The following FRYL variants were observed in gnomAD, a reference collection of about 807,000 sequenced individuals.
The protein encoded by FRYL is FRY like transcription coactivator.
A neutral mutation model predicts 351.2 loss-of-function variants in FRYL; 150 were observed. The observed-to-expected ratio is 0.43, with a 90% CI of 0.37 to 0.49. The LOEUF is 0.49. Among genes scored for constraint, FRYL ranks in the 20% least tolerant of loss-of-function variants. FRYL has a pLI of 0.00. For synonymous variants in FRYL, 1,153 were observed against 1,257.1 expected, an observed-to-expected ratio of 0.92 and a Z score of 1.75; for missense variants, 3,036 against 3,619.3, an observed-to-expected ratio of 0.84 and a Z score of 4.13.
chr4:48,719,778 AGG>A (rs1352283535), intron 1 of FRYL, among the ~76,000 whole-genome samples: 1 of 151,634 alleles, frequency 6.6e-6, no homozygotes, highest in Non-Finnish European at 1.5e-5. Context: ...TGATTTTGTC[AGG>A]AACAACTTGA....
At chr4:48,570,939 C>A (rs1250258376) in intron 26 of FRYL, 21 bp from the exon 27 acceptor site, 1 of 1,571,760 alleles carries the variant, frequency 6.4e-7, no homozygotes, top group East Asian at 2.2e-5. Flanking sequence ...GATACAAACA[C>A]ATTAATTAAA....
At chr4:48,623,096 G>GAA in intron 5 of FRYL, 30 bp downstream of exon 5, 2 of 1,458,534 alleles carry the variant, frequency 1.4e-6, no homozygotes, top group African/African-American at 1.5e-5. Flanking sequence ...ATTTCCAGGG[G>GAA]AAAAAAAAAT....
At chr4:48,683,831 C>G (rs776213453) in intron 3 of FRYL, among the ~76,000 whole-genome samples, 3 of 152,176 alleles carry the variant, frequency 2.0e-5, no homozygotes, top group Non-Finnish European at 2.9e-5. Flanking sequence ...AAACTGCATG[C>G]CTTAATATGC....
intron 60 of FRYL, among the ~76,000 whole-genome samples, 163 bp from the exon 61 acceptor site, chr4:48,503,008 A>G (rs1439916588): frequency 6.6e-6 from 1 of 152,204 alleles, no homozygotes; most frequent in African/African-American, 2.4e-5. Flanking sequence ...CCAGAATAAA[A>G]CTTTTTAGAC....
At position 48,540,924 on chromosome 4, in the gene FRYL, A is replaced by G; in HGVS notation, c.5724T>C (p.Tyr1908=). The G allele has an allele frequency of 6.2e-7, 1 of 1,607,522 alleles. No individual in the cohort carries two copies. Among genetic ancestry groups the G allele is most frequent in the Non-Finnish European group, 8.5e-7 (1 of 1,175,164 alleles). The stretch of plus-strand genomic sequence containing the variant: ...GTCCAGTGCTTTTCCTGTTAGCTGC[A>G]TACTTGTTTCCCATTATAGGATCAT... ...SYHDPIMGNK[Y]AANRKSTGQL... Residue 1908 remains tyrosine, a synonymous_variant, in exon 46 of 64, where the codon TAT becomes TAC. Transcript: ENST00000358350.
At chr4:48,703,231 AGAC>A (rs1766959134) in intron 2 of FRYL, among the ~76,000 whole-genome samples, 1 of 152,216 alleles carries the variant, frequency 6.6e-6, no homozygotes, top group African/African-American at 2.4e-5. Context: ...ATAGGGACTA[AGAC>A]AGTATGGGAC....
chr4:48,539,960 CAT>C lies in FRYL; in HGVS notation c.6393+9_6393+10del. 1 of 1,589,860 alleles carries C rather than the reference CAT, an allele frequency of 6.3e-7. No homozygotes were observed. The highest frequency in any genetic ancestry group is 2.2e-5 in the East Asian group (1 of 44,694). On this transcript the variant is annotated intron_variant, in intron 47 of 63. Coordinates refer to ENST00000358350, the MANE Select transcript of FRYL (RefSeq NM_015030.2). ...CCTATAGTGTTACCTTTCAGCATAA[CAT>C]TTGCTTACCTTTGCTATTCGACTAG... is the stretch of plus-strand genomic sequence containing the variant.
intron 3 of FRYL, among the ~76,000 whole-genome samples, chr4:48,649,238 C>G (rs1298513308): frequency 2.0e-5 from 3 of 151,542 alleles, no homozygotes; most frequent in Admixed American, 2.0e-4. Context: ...ACTATTTTTA[C>G]AATCCAAAAA....
chr4:48,552,244 GGTGTGTGT>G (rs67155390), intron 36 of FRYL, among the ~76,000 whole-genome samples: 21,664 of 145,262 alleles, frequency 0.15, 1,845 homozygotes, highest in Middle Eastern at 0.24. Flanking sequence ...AGTCCAAAGG[GGTGTGTGT>G]GTGTGTGTGT....
chr4:48,728,438 A>G (rs1770328736), intron 1 of FRYL, among the ~76,000 whole-genome samples: 2 of 152,166 alleles, frequency 1.3e-5, no homozygotes, highest in Non-Finnish European at 2.9e-5. Context: ...CCAGAAGGAA[A>G]GGAGAGGAAC....
chr4:48,602,374 A>G (rs1399559300), intron 12 of FRYL, among the ~76,000 whole-genome samples: 1 of 152,128 alleles, frequency 6.6e-6, no homozygotes, highest in Non-Finnish European at 1.5e-5. Context: ...CCCTCAACCC[A>G]TTAGCCTCTC....
intron 22 of FRYL, 124 bp from the exon 23 acceptor site, chr4:48,579,365 T>C (rs1486012650): frequency 3.9e-6 from 3 of 765,704 alleles, no homozygotes; most frequent in African/African-American, 3.6e-5. Flanking sequence ...ATAAAGTCCA[T>C]GGTAGGTTGA....
chr4:48,619,731 G>A (rs948176846), intron 6 of FRYL, among the ~76,000 whole-genome samples: 1 of 152,046 alleles, frequency 6.6e-6, no homozygotes, highest in African/African-American at 2.4e-5. Flanking sequence ...CAAATTCCTG[G>A]GTTCAAGTGA....
In FRYL at chr4:48,602,288, A is replaced by C. The variant is rs146734438; in HGVS notation, c.934-167T>G. ...TCATAGAATAATCTAACACAGAAAG[A>C]TAAAGAGTAAATTTTCTACGAGGAA... is the stretch of plus-strand genomic sequence containing the variant. On this transcript the variant is annotated intron_variant, in intron 12 of 63. Coordinates refer to ENST00000358350, the MANE Select transcript of FRYL (RefSeq NM_015030.2). 4.3e-3 allele frequency among the ~76,000 whole-genome samples: 657 copies of C among 152,336 alleles called. 8 individuals are homozygous for C. Among genetic ancestry groups the C allele is most frequent in the African/African-American group, 0.014 (593 of 41,584 alleles).
chr4:48,745,946 C>A (rs1304666525), intron 1 of FRYL, among the ~76,000 whole-genome samples: 2 of 152,068 alleles, frequency 1.3e-5, no homozygotes, highest in Non-Finnish European at 2.9e-5. Flanking sequence ...TGTAGGTACT[C>A]AGTATCTTAG....
At chr4:48,673,275 C>G (rs562318871) in intron 3 of FRYL, among the ~76,000 whole-genome samples, 1 of 152,296 alleles carries the variant, frequency 6.6e-6, no homozygotes, top group African/African-American at 2.4e-5. Flanking sequence ...ATGCTTAATA[C>G]ACACTAGAAT....
intron 21 of FRYL, 47 bp from the exon 22 acceptor site, chr4:48,580,998 C>G (rs1475307065): frequency 8.2e-7 from 1 of 1,226,840 alleles, no homozygotes; most frequent in East Asian, 2.4e-5. Flanking sequence ...AATGTTTAAG[C>G]AAAGTAGCCA....
chr4:48,581,427 A>G lies in FRYL; in HGVS notation c.2165T>C (p.Ile722Thr). Residue 722 changes from isoleucine to threonine, a missense_variant, in exon 21 of 64, where the codon ATA becomes ACA. Ile to Thr is a moderately conservative substitution (Grantham distance 89). Transcript: ENST00000358350. ...GAAATACCTAAATCTTACCTTAGGTATTTCCAGAAGTGCAAATAAAGCCCG... is the reference window on the plus strand; with the variant it reads ...GAAATACCTAAATCTTACCTTAGGTGTTTCCAGAAGTGCAAATAAAGCCCG... ...EIRALFALLE[I>T]PKGDDELAID... 6.2e-7 allele frequency: 1 copy of G among 1,604,440 alleles called. No homozygotes were observed.
intron 3 of FRYL, among the ~76,000 whole-genome samples, chr4:48,660,881 C>T (rs1212797639): frequency 2.6e-5 from 4 of 152,034 alleles, no homozygotes; most frequent in Non-Finnish European, 5.9e-5. Context: ...ACCAATAATC[C>T]AACATTATCA....
Sources: gnomAD v4.1 joint callset for allele counts (sites outside exome capture counted in the v4.1 genomes callset) on GRCh38, gnomAD v4.1.1 for gene constraint, MANE v1.5 for transcripts, NCBI Gene and HGNC (gene_info 2026-07-23, HGNC 2026-07-21) for gene names.